Variants in SMARCE1 observed in about 807,000 individuals in gnomAD.
The protein encoded by SMARCE1 is SWI/SNF-related matrix-associated actin-dependent regulator of chromatin subfamily E member 1.
A neutral mutation model predicts 54.9 loss-of-function variants in SMARCE1; 13 were observed. That is an observed-to-expected ratio of 0.24 (90% CI 0.15 to 0.38). The LOEUF is 0.38. SMARCE1 is among the 10% of genes least tolerant of loss of function. The pLI is 1.00. For synonymous variants in SMARCE1, 151 were observed against 175.3 expected (o/e 0.86, Z 1.10); for missense variants, 295 against 523.8 (o/e 0.56, Z 4.26).
chr17:40,633,847 T>A (rs914368231), intron 7 of SMARCE1: 7 of 152,258 alleles, frequency 4.6e-5, no homozygotes, highest in Admixed American at 1.3e-4. Context: ...TTTAGGGTTA[T>A]ATATGGTACA....
At position 40,629,245 on chromosome 17, in the gene SMARCE1, A is replaced by G. The variant is rs2037066705; in HGVS notation, c.1028-252T>C. ...GATCAAATACTTCCGATGAAAATTT[A>G]GCTTCTGAATTGAGATGTGTATAAA... On this transcript the variant is annotated intron_variant, in intron 10 of 10. Transcript: ENST00000348513. 7 of 519,802 alleles carry G rather than the reference A, an allele frequency of 1.3e-5. No individual in the cohort carries two copies. In the Admixed American group the frequency reaches 2.4e-4, roughly 18 times the overall value. The allele number at this position is 519,802 out of a possible 1,614,324, so 32.2% of individuals were successfully genotyped here.
chr17:40,639,386 A>G (rs1026903517), intron 4 of SMARCE1, among the ~76,000 whole-genome samples: 1 of 152,202 alleles, frequency 6.6e-6, no homozygotes, highest in Non-Finnish European at 1.5e-5. Flanking sequence ...AATTGTGCCC[A>G]TAACTGAGGT....
At chr17:40,633,262 G>A (rs1366935607) in intron 7 of SMARCE1, 1 of 152,090 alleles carries the variant, frequency 6.6e-6, no homozygotes, top group Non-Finnish European at 1.5e-5. Context: ...TGCCCATCCT[G>A]GCCTCCCAAA....
At chr17:40,630,476 A>G (rs2037081944) in intron 10 of SMARCE1, 1 of 627,980 alleles carries the variant, frequency 1.6e-6, no homozygotes, top group Non-Finnish European at 2.9e-6. Flanking sequence ...ATTACTTTGC[A>G]GAATGCTGTC....
At position 40,628,915 on chromosome 17, in the gene SMARCE1, C is replaced by T; in HGVS notation, c.1106G>A (p.Ser369Asn). ...CATACTGTCGACCCCCTCCTGCCCA[C>T]TCTCCTTGTCCTCAGGAGTAGACGT... ...EGTSTPEDKE[S>N]GQEGVDSMAE... is the part of the protein sequence containing the mutation. Residue 369 changes from serine (S) to asparagine (N), a missense_variant, in exon 11 of 11, where the codon AGT (serine) becomes AAT (asparagine). Physicochemically the swap from Ser to Asn is conservative, Grantham distance 46. Coordinates refer to ENST00000348513, the MANE Select transcript of SMARCE1 (RefSeq NM_003079.5). 3 of 1,613,866 alleles carry T rather than the reference C, an allele frequency of 1.9e-6. No individual in the cohort carries two copies. Among genetic ancestry groups the T allele is most frequent in the South Asian group, 1.1e-5 (1 of 91,072 alleles).
At chr17:40,637,329 TG>T (rs2037156436) in intron 5 of SMARCE1, 162 bp downstream of exon 5, 2 of 660,608 alleles carry the variant, frequency 3.0e-6, no homozygotes, top group Non-Finnish European at 5.5e-6. Context: ...ATTTTAGTTC[TG>T]GAATTTTGAA....
At chr17:40,631,213 A>G (rs1304649034) in intron 9 of SMARCE1, 2 of 344,580 alleles carry the variant, frequency 5.8e-6, no homozygotes, top group Non-Finnish European at 1.0e-5. Context: ...TCCGTTTTAC[A>G]TTTTGGGCTA....
In SMARCE1 at chr17:40,628,876, G is replaced by C. The variant is rs1314554797; in HGVS notation, c.1145C>G (p.Thr382Ser). The part of the protein sequence containing the change: ...EGVDSMAEEG[T>S]SDSNTGSESN... ...CTCCGAGCCAGTGTTACTATCACTG[G>C]TTCCTTCCTCTGCCATACTGTCGAC... The change falls in exon 11 of 11, where the codon ACC (threonine) becomes AGC (serine). Residue 382 changes from threonine to serine, a missense_variant. Physicochemically the swap from Thr to Ser is moderately conservative, Grantham distance 58. Transcript: ENST00000348513. 3 of 1,613,798 alleles carry C rather than the reference G, an allele frequency of 1.9e-6. No homozygotes were observed. Among genetic ancestry groups the C allele is most frequent in the East Asian group, 2.2e-5 (1 of 44,884 alleles).
At chr17:40,629,301 A>G (rs532950708) in intron 10 of SMARCE1, 1 of 404,502 alleles carries the variant, frequency 2.5e-6, no homozygotes, top group African/African-American at 2.0e-5. Flanking sequence ...GCTGATTTTA[A>G]AAATGTTCCT....
chr17:40,635,763 G>T, intron 7 of SMARCE1, 168 bp downstream of exon 7: 2 of 441,150 alleles, frequency 4.5e-6, no homozygotes, highest in Non-Finnish European at 3.9e-6. Flanking sequence ...TTTTCTTGTG[G>T]GAAATTCACA....
chr17:40,646,324 G>A (rs1002055512), intron 1 of SMARCE1, among the ~76,000 whole-genome samples: 3 of 152,128 alleles, frequency 2.0e-5, no homozygotes, highest in Admixed American at 2.0e-4. Flanking sequence ...AAGGTAATTG[G>A]TATGACAATG....
Position 40,625,381 on chromosome 17 carries a change from A to G in SMARCE1, c.*3404T>C, listed in dbSNP as rs2037025056. 1 of 152,238 alleles carries G rather than the reference A, an allele frequency of 6.6e-6. No homozygotes were observed. Among genetic ancestry groups the G allele is most frequent in the Non-Finnish European group, 1.5e-5 (1 of 68,048 alleles). The allele number at this position is 152,238 out of a possible 1,614,324, so 9.4% of individuals were successfully genotyped here. On this transcript the variant is annotated 3_prime_UTR_variant, in exon 11 of 11. Coordinates refer to ENST00000348513, the MANE Select transcript of SMARCE1 (RefSeq NM_003079.5). ...TACAGTGGATTTTTCATTTGCAAAG[A>G]CGTTAAGCCCTCCAAATGTGCAAAT...
In SMARCE1 at chr17:40,628,894, C is replaced by T. The variant is rs2143980541; in HGVS notation, c.1127G>A (p.Ser376Asn). The change falls in exon 11 of 11, where the codon AGT becomes AAT. Residue 376 changes from serine (S) to asparagine (N), a missense_variant. Around this residue, in one of 5 missense-constraint regions of SMARCE1, gnomAD observed 147 missense variants for 161.4 expected, o/e 0.91. Transcript: ENST00000348513. ...DKESGQEGVD[S>N]MAEEGTSDSN... ...ATCACTGGTTCCTTCCTCTGCCATACTGTCGACCCCCTCCTGCCCACTCTC... is the reference window on the plus strand; with the variant it reads ...ATCACTGGTTCCTTCCTCTGCCATATTGTCGACCCCCTCCTGCCCACTCTC... 6.2e-7 allele frequency: 1 copy of T among 1,613,844 alleles called. No homozygotes were observed. Among genetic ancestry groups the T allele is most frequent in the Non-Finnish European group, 8.5e-7 (1 of 1,179,802 alleles).
chr17:40,635,717 A>C (rs2037140046), intron 7 of SMARCE1: 1 of 362,094 alleles, frequency 2.8e-6, no homozygotes. Flanking sequence ...ACAATCAATA[A>C]TTTTTGCTAT....
chr17:40,629,690 G>C (rs1206337123), intron 10 of SMARCE1: 2 of 406,720 alleles, frequency 4.9e-6, no homozygotes, highest in Admixed American at 4.4e-5. Context: ...CATAAGACAT[G>C]CCCCATTCAT....
In SMARCE1 at chr17:40,642,814, A is replaced by C. The variant is rs2037212580; in HGVS notation, c.52-255T>G. The C allele has an allele frequency of 4.5e-6, 2 of 444,114 alleles. No individual in the cohort carries two copies. Among genetic ancestry groups the C allele is most frequent in the Non-Finnish European group, 7.9e-6 (2 of 252,042 alleles). 27.5% of individuals were successfully genotyped at this position (444,114 alleles called of 1,614,324 possible). A position where few individuals can be genotyped will look rare whatever the true frequency, so the allele number is the denominator to read the frequency against. On this transcript the variant is annotated intron_variant, in intron 3 of 10. Transcript: ENST00000348513. The surrounding 1 kb of genome is among the most constrained non-coding windows in gnomAD (Gnocchi z 4.6). The stretch of plus-strand genomic sequence containing the variant: ...GGCTGGGGGTGTTTGTGTGACTGTG[A>C]ATGTGTGTTTTGTTTTTTGAGGTAA...
chr17:40,646,200 A>G (rs1274039229), intron 1 of SMARCE1, among the ~76,000 whole-genome samples: 2 of 152,330 alleles, frequency 1.3e-5, no homozygotes, highest in East Asian at 3.9e-4. Context: ...TCAGGGTCCA[A>G]CGCAACAAGG....
chr17:40,636,629 A>G (rs1597746387), intron 5 of SMARCE1, 103 bp from the exon 6 acceptor site: 3 of 890,234 alleles, frequency 3.4e-6, no homozygotes, highest in East Asian at 5.1e-5. Flanking sequence ...AAGCAGAGAA[A>G]ACAGTATCAA....
intron 1 of SMARCE1, 34 bp from the exon 2 acceptor site, chr17:40,645,881 A>G: frequency 1.5e-6 from 1 of 663,410 alleles, no homozygotes; most frequent in Non-Finnish European, 2.3e-6. Context: ...AAAAAAGAGA[A>G]TCAAAACTCA....
Sources: allele counts gnomAD v4.1 joint callset (sites outside exome capture counted in the v4.1 genomes callset), GRCh38; gene constraint gnomAD v4.1.1; regional missense constraint gnomAD v4.1.1; non-coding constraint Gnocchi (gnomAD v3.1); transcripts MANE v1.5; gene names NCBI Gene and HGNC (gene_info 2026-07-23, HGNC 2026-07-21).